HSF1: variants seen among roughly 807,000 people sequenced by gnomAD.
The protein encoded by HSF1 is heat shock factor protein 1.
In HSF1, 32 loss-of-function variants were observed where a neutral mutation model predicts 51.7. That is an observed-to-expected ratio of 0.62 (90% CI 0.47 to 0.83). HSF1 has a LOEUF of 0.83. HSF1 is among the 40% of genes least tolerant of loss of function. The pLI, the probability that HSF1 is intolerant of heterozygous loss-of-function variation, is 0.00. For missense variants in HSF1, 727 were observed against 717.0 expected (o/e 1.01, Z -0.16); for synonymous variants, 396 against 309.7 (o/e 1.28, Z -2.92).
intron 1 of HSF1, among the ~76,000 whole-genome samples, chr8:144,302,494 G>A (rs1467964171): frequency 6.2e-5 from 9 of 145,740 alleles, no homozygotes; most frequent in African/African-American, 1.8e-4. Flanking sequence ...GCAGTGGAGC[G>A]AGACTCCATC....
At chr8:144,310,962 G>T (rs1246021424) in intron 4 of HSF1, 6 of 592,884 alleles carry the variant, frequency 1.0e-5, no homozygotes, top group African/African-American at 1.9e-5. Flanking sequence ...GTGACACCAG[G>T]TGTCCCCGGC....
rs192095931 is a variant in HSF1, at chr8:144,306,444, C to G, written c.118-2462C>G. Among the ~76,000 whole-genome samples, 466 of 152,118 alleles carry G rather than the reference C, an allele frequency of 3.1e-3. 2 individuals are homozygous for G. The highest frequency in any genetic ancestry group is 0.028 in the South Asian group (135 of 4,818). On this transcript the variant is annotated intron_variant, in intron 1 of 12. Transcript: ENST00000528838. ...GTAGTTCAATCACAGCTCACTGCAG[C>G]CTTCACCTCCGGAGCTCAAGGGATC...
Position 144,314,607 on chromosome 8 carries a change from T to C in HSF1, c.*277T>C. ...GGTTGTTCATAGTCAGAATTGTATT[T>C]TGGATTTTTACACAACTGTCCCGTT... On this transcript the variant is annotated 3_prime_UTR_variant, in exon 13 of 13. Coordinates refer to ENST00000528838, the MANE Select transcript of HSF1 (RefSeq NM_005526.4). The C allele has an allele frequency of 1.9e-6, 1 of 518,662 alleles. No individual in the cohort carries two copies. Among genetic ancestry groups the C allele is most frequent in the South Asian group, 2.7e-5 (1 of 37,488 alleles). The allele number at this position is 518,662 out of a possible 1,614,324, so 32.1% of individuals were successfully genotyped here. A position where few individuals can be genotyped will look rare whatever the true frequency, so the allele number is the denominator to read the frequency against.
At position 144,314,420 on chromosome 8, in the gene HSF1, A is replaced by G. The variant is rs1395081422; in HGVS notation, c.*90A>G. ...GCAGGGCAGCCTCGCGGTCTTGGGC[A>G]CTGGTGGGTCGGCCGCCATAGCCCC... On this transcript the variant is annotated 3_prime_UTR_variant, in exon 13 of 13. Coordinates refer to ENST00000528838, the MANE Select transcript of HSF1 (RefSeq NM_005526.4). 2.5e-6 allele frequency: 3 copies of G among 1,189,550 alleles called. No homozygotes were observed. Among genetic ancestry groups the G allele is most frequent in the Non-Finnish European group, 3.6e-6 (3 of 840,874 alleles). 73.7% of individuals were successfully genotyped at this position (1,189,550 alleles called of 1,614,324 possible).
rs549919654 is a variant in HSF1 at position 144,313,120 on chromosome 8, C to T, written c.1143-391C>T. The T allele has an allele frequency of 5.8e-4, 224 of 387,292 alleles. 1 individual carries two copies. The highest frequency in any genetic ancestry group is 4.8e-3 in the South Asian group (164 of 33,936). 24.0% of individuals were successfully genotyped at this position (387,292 alleles called of 1,614,324 possible). A position where few individuals can be genotyped will look rare whatever the true frequency, so the allele number is the denominator to read the frequency against. On this transcript the variant is annotated intron_variant, in intron 9 of 12. Coordinates refer to ENST00000528838, the MANE Select transcript of HSF1 (RefSeq NM_005526.4). ...CGTGGGTCTCATCCCCACAGCAGCA[C>T]CAGGGCAGGGACTGAGCCACCCACA... is the stretch of plus-strand genomic sequence containing the variant.
chr8:144,314,280 C>CT lies in HSF1; in HGVS notation c.1541dup (p.Leu515AlafsTer104). On this transcript the variant is annotated frameshift_variant, in exon 13 of 13. Coordinates refer to ENST00000528838, the MANE Select transcript of HSF1 (RefSeq NM_005526.4). LOFTEE classifies it high-confidence loss of function. ...CTTCGCCGAGGACCCCACCATCTCC[C>CT]TGCTGACAGGCTCGGAGCCTCCCAA... 6.4e-7 allele frequency: 1 copy of CT among 1,551,140 alleles called. No individual in the cohort carries two copies. The highest frequency in any genetic ancestry group is 8.7e-7 in the Non-Finnish European group (1 of 1,147,336).
chr8:144,307,969 C>G (rs1360381425), intron 1 of HSF1, among the ~76,000 whole-genome samples: 1 of 152,256 alleles, frequency 6.6e-6, no homozygotes, highest in African/African-American at 2.4e-5. Context: ...CCGTTTCCCT[C>G]CCTGACACGT....
In HSF1 at chr8:144,311,114, C is replaced by T. The variant is rs544022889; in HGVS notation, c.489-60C>T. 28 of 1,486,578 alleles carry T rather than the reference C, an allele frequency of 1.9e-5. No individual in the cohort carries two copies. In the Admixed American group the frequency reaches 2.6e-4, roughly 14 times the overall value. 92.1% of individuals were successfully genotyped at this position (1,486,578 alleles called of 1,614,324 possible). On this transcript the variant is annotated intron_variant, in intron 4 of 12. Coordinates refer to ENST00000528838, the MANE Select transcript of HSF1 (RefSeq NM_005526.4). ...TGGGGGACAGGGAGGGTCTGTGGGGCTCCCTCAGCCCTGGGGCTCATGGGA... is the reference window on the plus strand; with the variant it reads ...TGGGGGACAGGGAGGGTCTGTGGGGTTCCCTCAGCCCTGGGGCTCATGGGA...
chr8:144,303,431 A>G (rs1391718289), intron 1 of HSF1, among the ~76,000 whole-genome samples: 1 of 151,980 alleles, frequency 6.6e-6, no homozygotes, highest in African/African-American at 2.4e-5. Context: ...CTCTTTCCTT[A>G]TGGACGGCCT....
In HSF1 at chr8:144,314,665, C is replaced by T. The variant is rs989839590; in HGVS notation, c.*335C>T. 4 of 342,576 alleles carry T rather than the reference C, an allele frequency of 1.2e-5. No individual in the cohort carries two copies. Among genetic ancestry groups the T allele is most frequent in the African/African-American group, 8.2e-5 (4 of 48,880 alleles). The allele number at this position is 342,576 out of a possible 1,614,324, so 21.2% of individuals were successfully genotyped here. On this transcript the variant is annotated 3_prime_UTR_variant, in exon 13 of 13. Coordinates refer to ENST00000528838, the MANE Select transcript of HSF1 (RefSeq NM_005526.4). ...CCACAGAGATACACAGATATATACA[C>T]ACAGTGGATGGACGGACAAGACAGG...
In HSF1 at chr8:144,291,665, C is replaced by A; in HGVS notation, c.-93C>A. 1 of 695,486 alleles carries A rather than the reference C, an allele frequency of 1.4e-6. No individual in the cohort carries two copies. Among genetic ancestry groups the A allele is most frequent in the Non-Finnish European group, 2.2e-6 (1 of 463,202 alleles). The allele number at this position is 695,486 out of a possible 1,614,324, so 43.1% of individuals were successfully genotyped here. ...GCTGTGTGTGCGCAGCGGGCGGCGG[C>A]GCGGCCCGGAAGGCTGGCGCGGCGA... On this transcript the variant is annotated 5_prime_UTR_variant, in exon 1 of 13. Coordinates refer to ENST00000528838, the MANE Select transcript of HSF1 (RefSeq NM_005526.4). This position sits in a 1 kb window ranked among gnomAD's most constrained non-coding sequence, Gnocchi z 4.1.
intron 1 of HSF1, among the ~76,000 whole-genome samples, chr8:144,294,906 T>C (rs1478588027): frequency 1.3e-5 from 2 of 152,192 alleles, no homozygotes; most frequent in African/African-American, 4.8e-5. Flanking sequence ...GGGATCCACA[T>C]AAGAGCATGG....
intron 1 of HSF1, among the ~76,000 whole-genome samples, chr8:144,307,350 C>G (rs570672796): frequency 5.1e-4 from 78 of 152,342 alleles, no homozygotes; most frequent in Non-Finnish European, 7.9e-4. Flanking sequence ...CAAGCCCTGG[C>G]CCACCCCGCA....
chr8:144,297,656 C>G lies in HSF1; in HGVS notation c.117+5782C>G, dbSNP rs551938367. Among the ~76,000 whole-genome samples the G allele has an allele frequency of 5.8e-4, 89 of 152,314 alleles. No individual in the cohort carries two copies. Among genetic ancestry groups the G allele is most frequent in the African/African-American group, 2.1e-3 (86 of 41,566 alleles). ...GCTCCCCACACGTGGGCCACAGCTA[C>G]TCACACACGCGCTCCCTTTGCTCCT... On this transcript the variant is annotated intron_variant, in intron 1 of 12. Coordinates refer to ENST00000528838, the MANE Select transcript of HSF1 (RefSeq NM_005526.4). The surrounding 1 kb of genome is among the most constrained non-coding windows in gnomAD (Gnocchi z 4.6).
chr8:144,314,188 C>A lies in HSF1; in HGVS notation c.1448C>A (p.Thr483Asn). The A allele has an allele frequency of 6.5e-7, 1 of 1,549,734 alleles. No individual in the cohort carries two copies. Among genetic ancestry groups the A allele is most frequent in the East Asian group, 2.4e-5 (1 of 40,864 alleles). Residue 483 changes from threonine to asparagine, a missense_variant, in exon 13 of 13, where the codon ACC (threonine) becomes AAC (asparagine). By Grantham distance (65) the Thr-to-Asn change is moderately conservative (BLOSUM62 0). This residue lies in a region of HSF1 where 470 missense variants were observed against 398.8 expected (regional missense o/e 1.18). Transcript: ENST00000528838. ...LFLLDPGSVD[T>N]GSNDLPVLFE... The stretch of plus-strand genomic sequence containing the variant: ...CTGCTGGACCCCGGCTCCGTGGACA[C>A]CGGGAGCAACGACCTGCCGGTGCTG...
chr8:144,314,359 C>T lies in HSF1; in HGVS notation c.*29C>T, dbSNP rs1817080265. ...CCCCGGAGGAGCTGGGCCAGCCGCC[C>T]ACCCCCACCCCCAGTGCAGGGCTGG... is the stretch of plus-strand genomic sequence containing the variant. On this transcript the variant is annotated 3_prime_UTR_variant, in exon 13 of 13. Coordinates refer to ENST00000528838, the MANE Select transcript of HSF1 (RefSeq NM_005526.4). 6.6e-7 allele frequency: 1 copy of T among 1,525,816 alleles called. No homozygotes were observed. The allele number at this position is 1,525,816 out of a possible 1,614,324, so 94.5% of individuals were successfully genotyped here. A position where few individuals can be genotyped will look rare whatever the true frequency, so the allele number is the denominator to read the frequency against.
In HSF1 at chr8:144,314,294, G is replaced by A. The variant is rs935634364; in HGVS notation, c.1554G>A (p.Ser518=). ...EDPTISLLTG[S]EPPKAKDPTV... ...CCACCATCTCCCTGCTGACAGGCTCGGAGCCTCCCAAAGCCAAGGACCCCA... is the reference window on the plus strand; with the variant it reads ...CCACCATCTCCCTGCTGACAGGCTCAGAGCCTCCCAAAGCCAAGGACCCCA... The change falls in exon 13 of 13, where the codon TCG becomes TCA. Residue 518 remains serine, a synonymous_variant. Coordinates refer to ENST00000528838, the MANE Select transcript of HSF1 (RefSeq NM_005526.4). 11 of 1,550,690 alleles carry A rather than the reference G, an allele frequency of 7.1e-6. No homozygotes were observed. Among genetic ancestry groups the A allele is most frequent in the South Asian group, 4.8e-5 (4 of 84,102 alleles).
chr8:144,293,695 C>T (rs1250100727), intron 1 of HSF1: 1 of 151,872 alleles, frequency 6.6e-6, no homozygotes, highest in Non-Finnish European at 1.5e-5. Flanking sequence ...GCCTTGGCCT[C>T]CCAAAGTGCT....
rs1015444232 is a variant in HSF1 at position 144,312,788 on chromosome 8, C to T, written c.1142+544C>T. The T allele has an allele frequency of 2.2e-6, 3 of 1,333,818 alleles. No homozygotes were observed. The South Asian group carries it at 3.8e-5, about 17-fold the overall frequency. The allele number at this position is 1,333,818 out of a possible 1,614,324, so 82.6% of individuals were successfully genotyped here. A position where few individuals can be genotyped will look rare whatever the true frequency, so the allele number is the denominator to read the frequency against. The stretch of plus-strand genomic sequence containing the variant: ...CCTCCCACACAGCCGTGGACCAGAC[C>T]CAGCCTGGCCGGGCATGAGCGTCGG... On this transcript the variant is annotated intron_variant, in intron 9 of 12. Coordinates refer to ENST00000528838, the MANE Select transcript of HSF1 (RefSeq NM_005526.4).
Sources: gnomAD v4.1 joint callset for allele counts (sites outside exome capture counted in the v4.1 genomes callset) on GRCh38, gnomAD v4.1.1 for gene constraint, gnomAD v4.1.1 regional missense constraint, Gnocchi (gnomAD v3.1) non-coding constraint, MANE v1.5 for transcripts, NCBI Gene and HGNC (gene_info 2026-07-23, HGNC 2026-07-21) for gene names.